Variants in DOCK4 observed in about 807,000 individuals in gnomAD.
DOCK4 encodes dedicator of cytokinesis 4.
In DOCK4, 97 loss-of-function variants were observed where a neutral mutation model predicts 268.1. That is an observed-to-expected ratio of 0.36 (90% CI 0.31 to 0.43). The LOEUF is 0.43. DOCK4 is among the 20% of genes least tolerant of loss of function. The pLI is 1.00. For synonymous variants in DOCK4, 954 were observed against 887.2 expected (o/e 1.08, Z -1.34); for missense variants, 2,145 against 2,455.7 (o/e 0.87, Z 2.67).
chr7:111,937,944 C>T (rs1042204184), intron 11 of DOCK4, among the ~76,000 whole-genome samples: 1 of 152,206 alleles, frequency 6.6e-6, no homozygotes, highest in Non-Finnish European at 1.5e-5. Context: ...AAGTGCTTAA[C>T]ACAGTTCCTC....
Position 111,815,637 on chromosome 7 carries a change from T to C in DOCK4, c.2931-3688A>G, listed in dbSNP as rs937409818. Reference sequence around the variant, plus strand: ...TTCCTTCCTTCCTTCCCCTCCCCCATCCCCTCCCCTCCCCTCCCCTCCTTT... The same window carrying C: ...TTCCTTCCTTCCTTCCCCTCCCCCACCCCCTCCCCTCCCCTCCCCTCCTTT... On this transcript the variant is annotated intron_variant, in intron 27 of 52. Coordinates refer to ENST00000428084, the MANE Select transcript of DOCK4 (RefSeq NM_001363540.2). 3.5e-3 allele frequency among the ~76,000 whole-genome samples: 375 copies of C among 107,462 alleles called. 1 individual carries two copies. The East Asian group carries it at 0.037, about 11-fold the overall frequency. 70.5% of individuals were successfully genotyped at this position (107,462 alleles called of 152,430 possible). A position where few individuals can be genotyped will look rare whatever the true frequency, so the allele number is the denominator to read the frequency against.
chr7:112,127,750 GC>G (rs1379832029), intron 1 of DOCK4, among the ~76,000 whole-genome samples: 1 of 152,212 alleles, frequency 6.6e-6, no homozygotes, highest in African/African-American at 2.4e-5. Context: ...CCTAAGCTTG[GC>G]TGGGTGCGGC....
intron 1 of DOCK4, among the ~76,000 whole-genome samples, chr7:112,049,081 A>G (rs1280968060): frequency 2.0e-5 from 3 of 152,252 alleles, no homozygotes; most frequent in Non-Finnish European, 4.4e-5. Flanking sequence ...GTGGATGTAC[A>G]CAAAGCAATA....
chr7:112,058,078 A>C (rs1385086040), intron 1 of DOCK4, among the ~76,000 whole-genome samples: 1 of 146,486 alleles, frequency 6.8e-6, no homozygotes, highest in African/African-American at 2.5e-5. Flanking sequence ...AATATAGAAG[A>C]AACTGTATGA....
intron 23 of DOCK4, among the ~76,000 whole-genome samples, chr7:111,858,167 G>A (rs1805165876): frequency 6.6e-6 from 1 of 152,126 alleles, no homozygotes; most frequent in Non-Finnish European, 1.5e-5. Flanking sequence ...CAACATTTCA[G>A]ACAACATTTC....
chr7:112,109,969 C>T (rs1195753927), intron 1 of DOCK4, among the ~76,000 whole-genome samples: 1 of 151,650 alleles, frequency 6.6e-6, no homozygotes, highest in African/African-American at 2.4e-5. Flanking sequence ...TGGTCTCGAT[C>T]TCCTGACCTC....
intron 1 of DOCK4, among the ~76,000 whole-genome samples, chr7:112,137,247 C>T (rs1814445935): frequency 6.6e-6 from 1 of 152,048 alleles, no homozygotes; most frequent in African/African-American, 2.4e-5. Context: ...TTTATTTCAC[C>T]TTCTACTCAA....
chr7:111,947,537 C>T (rs1168953143), intron 8 of DOCK4, among the ~76,000 whole-genome samples: 1 of 152,042 alleles, frequency 6.6e-6, no homozygotes, highest in Non-Finnish European at 1.5e-5. Context: ...TGTAAGTATC[C>T]TCAATTGAAG....
At chr7:111,888,474 T>C (rs1334029095) in intron 16 of DOCK4, among the ~76,000 whole-genome samples, 1 of 151,884 alleles carries the variant, frequency 6.6e-6, no homozygotes, top group Non-Finnish European at 1.5e-5. Context: ...TTTATGATTT[T>C]TGATATGAAG....
In DOCK4 at chr7:111,747,376, A is replaced by T. The variant is rs1459115135; in HGVS notation, c.4484T>A (p.Leu1495Gln). The change falls in exon 43 of 53, where the codon CTG (leucine) becomes CAG (glutamine). Residue 1495 changes from leucine (L) to glutamine (Q), a missense_variant. This residue lies in a region of DOCK4 where 1,598 missense variants were observed against 1,986.7 expected (regional missense o/e 0.80). Coordinates refer to ENST00000428084, the MANE Select transcript of DOCK4 (RefSeq NM_001363540.2). ...LENKNQQLKT[L>Q]ISQCQTRQMQ... ...CTGTCTTGTCTGACACTGACTAATC[A>T]GAGTCTTCAGCTGCTGATTCTTATT... is the stretch of plus-strand genomic sequence containing the variant. 6.2e-7 allele frequency: 1 copy of T among 1,613,032 alleles called. No individual in the cohort carries two copies. The highest frequency in any genetic ancestry group is 8.5e-7 in the Non-Finnish European group (1 of 1,179,626).
At chr7:111,795,033 T>C in intron 30 of DOCK4, among the ~76,000 whole-genome samples, 1 of 152,318 alleles carries the variant, frequency 6.6e-6, no homozygotes. Context: ...GGATTTTTTT[T>C]ATCTTTCTGA....
chr7:111,817,977 T>C (rs917557703), intron 27 of DOCK4, among the ~76,000 whole-genome samples: 6 of 152,194 alleles, frequency 3.9e-5, no homozygotes, highest in South Asian at 2.1e-4. Flanking sequence ...CTGGGACCAA[T>C]TGTCTGTCCA....
intron 51 of DOCK4, among the ~76,000 whole-genome samples, chr7:111,733,471 T>C (rs1324817675): frequency 6.6e-6 from 1 of 152,182 alleles, no homozygotes; most frequent in Admixed American, 6.6e-5. Context: ...TTAGTTCTCC[T>C]ATCCTGTTGA....
chr7:111,915,479 C>A (rs1171540498), intron 13 of DOCK4, among the ~76,000 whole-genome samples: 1 of 152,092 alleles, frequency 6.6e-6, no homozygotes, highest in Non-Finnish European at 1.5e-5. Flanking sequence ...TTCTCCTGGT[C>A]ATAATGAAAT....
intron 26 of DOCK4, among the ~76,000 whole-genome samples, chr7:111,832,430 G>A (rs1802903458): frequency 6.6e-6 from 1 of 152,148 alleles, no homozygotes; most frequent in South Asian, 2.1e-4. Flanking sequence ...CCTAGTGCGT[G>A]GTGCACAGTG....
At chr7:111,884,903 T>C (rs6466389) in intron 16 of DOCK4, among the ~76,000 whole-genome samples, 74,922 of 152,016 alleles carry the variant, frequency 0.49, 21,072 homozygotes, top group African/African-American at 0.78. Context: ...AAACAGCTGT[T>C]GCCTAGAGTT....
intron 7 of DOCK4, among the ~76,000 whole-genome samples, chr7:111,980,764 C>T (rs1041761009): frequency 6.6e-6 from 1 of 152,206 alleles, no homozygotes; most frequent in Admixed American, 6.5e-5. Flanking sequence ...GTTGAAATTG[C>T]ATGTGAGAAC....
In DOCK4 at chr7:111,940,015, GTTC is replaced by G. The variant is rs1795076913; in HGVS notation, c.977+92_977+94del. On this transcript the variant is annotated intron_variant, in intron 11 of 52. Transcript: ENST00000428084. ...AGGAATGGCTCATAAACCACCCATTGTTCTTCTCTACCCACCTAAAGTAGCATT... is the reference window on the plus strand; with the variant it reads ...AGGAATGGCTCATAAACCACCCATTGTTCTCTACCCACCTAAAGTAGCATT... 4.6e-6 allele frequency: 6 copies of G among 1,307,648 alleles called. No individual in the cohort carries two copies. The South Asian group carries it at 7.7e-5, about 17-fold the overall frequency. The allele number at this position is 1,307,648 out of a possible 1,614,324, so 81.0% of individuals were successfully genotyped here.
chr7:112,045,980 T>C (rs145436620), intron 1 of DOCK4, among the ~76,000 whole-genome samples: 1 of 152,378 alleles, frequency 6.6e-6, no homozygotes, highest in East Asian at 1.9e-4. Context: ...AAGTTCCCTT[T>C]AGCTATAATG....
Sources: allele counts gnomAD v4.1 joint callset (sites outside exome capture counted in the v4.1 genomes callset), GRCh38; gene constraint gnomAD v4.1.1; regional missense constraint gnomAD v4.1.1; transcripts MANE v1.5; gene names NCBI Gene and HGNC (gene_info 2026-07-23, HGNC 2026-07-21).